Variants in TUBA1C observed in about 807,000 individuals in gnomAD.
TUBA1C encodes the protein tubulin alpha-1C chain.
Under a neutral mutation model 34.9 loss-of-function variants are expected in TUBA1C, and 16 were observed. That is an observed-to-expected ratio of 0.46 (90% confidence interval 0.31 to 0.70). The LOEUF is 0.70. TUBA1C is among the 30% of genes least tolerant of loss of function. The pLI is 0.05. For synonymous variants in TUBA1C, 177 were observed against 215.9 expected (o/e 0.82, Z 1.58); for missense variants, 329 against 587.3 (o/e 0.56, Z 4.55).
rs757008972 is a variant in TUBA1C, at chr12:49,273,002, G to T, written c.1125G>T (p.Val375=). 6.2e-7 allele frequency: 1 copy of T among 1,614,252 alleles called. No homozygotes were observed. Among genetic ancestry groups the T allele is most frequent in the South Asian group, 1.1e-5 (1 of 91,086 alleles). Reference sequence around the variant, plus strand: ...ACCTGGCCAAGGTACAGAGAGCTGTGTGCATGCTGAGCAATACCACAGCTG... The same window carrying T: ...ACCTGGCCAAGGTACAGAGAGCTGTTTGCATGCTGAGCAATACCACAGCTG... ...GGDLAKVQRA[V]CMLSNTTAVA... The change falls in exon 4 of 4, where the codon GTG becomes GTT. Residue 375 remains valine (V), a synonymous_variant. Coordinates refer to ENST00000301072, the MANE Select transcript of TUBA1C (RefSeq NM_032704.5).
At chr12:49,256,456 C>G in intron 1 of TUBA1C, 1 of 455,440 alleles carries the variant, frequency 2.2e-6, no homozygotes, top group South Asian at 1.6e-5. Flanking sequence ...GCTGAGGGAA[C>G]TGGATAAGAA....
chr12:49,236,130 C>T (rs907913007), intron 1 of TUBA1C, among the ~76,000 whole-genome samples: 2 of 152,210 alleles, frequency 1.3e-5, no homozygotes, highest in African/African-American at 4.8e-5. Flanking sequence ...TCATGAAGCC[C>T]TGCCAACATT....
intron 1 of TUBA1C, among the ~76,000 whole-genome samples, chr12:49,259,501 G>C (rs2137010001): frequency 6.6e-6 from 1 of 152,278 alleles, no homozygotes; most frequent in Non-Finnish European, 1.5e-5. Context: ...GGGATTATAG[G>C]CATGAGCCAC....
At chr12:49,267,857 C>G (rs1942935900) in intron 1 of TUBA1C, among the ~76,000 whole-genome samples, 1 of 152,138 alleles carries the variant, frequency 6.6e-6, no homozygotes, top group Admixed American at 6.5e-5. Flanking sequence ...GCTTATGAGA[C>G]CAGGTCCTTT....
intron 1 of TUBA1C, among the ~76,000 whole-genome samples, chr12:49,253,254 G>A (rs1293279683): frequency 1.3e-5 from 2 of 152,130 alleles, no homozygotes. Context: ...GGAGTAGGCA[G>A]AGTTAGATTT....
intron 1 of TUBA1C, among the ~76,000 whole-genome samples, chr12:49,239,376 C>T (rs966537439): frequency 2.0e-5 from 3 of 152,116 alleles, no homozygotes; most frequent in African/African-American, 7.2e-5. Flanking sequence ...TGGGGTGGCT[C>T]ATACCTATAA....
intron 1 of TUBA1C, among the ~76,000 whole-genome samples, chr12:49,230,999 T>C (rs1410299209): frequency 6.6e-6 from 1 of 152,190 alleles, no homozygotes; most frequent in Non-Finnish European, 1.5e-5. Flanking sequence ...GTTTCTGGTA[T>C]ACAGGAAGGT....
intron 1 of TUBA1C, among the ~76,000 whole-genome samples, chr12:49,228,441 T>A (rs934573082): frequency 2.0e-5 from 3 of 152,228 alleles, no homozygotes; most frequent in African/African-American, 4.8e-5. Flanking sequence ...TATATTTTTG[T>A]CTTATACTTT....
At chr12:49,246,644 T>C (rs529793110) in intron 1 of TUBA1C, among the ~76,000 whole-genome samples, 151 of 151,260 alleles carry the variant, frequency 1.0e-3, no homozygotes, top group African/African-American at 3.3e-3. Context: ...CACTGCACTC[T>C]AGCCTGGGCG....
intron 3 of TUBA1C, 100 bp from the exon 4 acceptor site, chr12:49,272,153 G>C (rs1449392077): frequency 2.0e-6 from 3 of 1,517,476 alleles, no homozygotes; most frequent in Non-Finnish European, 2.6e-6. Context: ...ATTGCAATTG[G>C]AGTAGCCATA....
chr12:49,249,311 C>T (rs1942708781), intron 1 of TUBA1C, among the ~76,000 whole-genome samples: 1 of 152,040 alleles, frequency 6.6e-6, no homozygotes, highest in Non-Finnish European at 1.5e-5. Flanking sequence ...CCTGTAATCC[C>T]AGGTACTCGG....
At chr12:49,250,558 C>T (rs903536315) in intron 1 of TUBA1C, among the ~76,000 whole-genome samples, 1 of 149,864 alleles carries the variant, frequency 6.7e-6, no homozygotes, top group Admixed American at 6.7e-5. Context: ...ACACAAATTA[C>T]CAGTATCTAG....
chr12:49,261,618 C>T, upstream of TUBA1C, among the ~76,000 whole-genome samples: 1 of 152,130 alleles, frequency 6.6e-6, no homozygotes, highest in African/African-American at 2.4e-5. Flanking sequence ...TTATAAATTT[C>T]TACATAAGCA....
intron 1 of TUBA1C, among the ~76,000 whole-genome samples, chr12:49,250,621 T>A (rs999221791): frequency 4.7e-5 from 7 of 150,292 alleles, no homozygotes; most frequent in African/African-American, 1.7e-4. Context: ...ATTATAAAAG[T>A]ATATTATGGG....
intron 1 of TUBA1C, chr12:49,234,125 G>A (rs911146410): frequency 2.0e-4 from 31 of 152,372 alleles, no homozygotes; most frequent in African/African-American, 7.2e-4. Flanking sequence ...CCTAGAAATG[G>A]CACTGCAACG....
intron 1 of TUBA1C, among the ~76,000 whole-genome samples, chr12:49,228,783 G>A (rs1014686321): frequency 6.6e-6 from 1 of 152,182 alleles, no homozygotes; most frequent in Non-Finnish European, 1.5e-5. Flanking sequence ...AACACAATCT[G>A]CAATTTACAA....
At chr12:49,259,047 C>T (rs936099653) in intron 1 of TUBA1C, among the ~76,000 whole-genome samples, 5 of 152,074 alleles carry the variant, frequency 3.3e-5, no homozygotes, top group African/African-American at 1.2e-4. Flanking sequence ...GTGTGAGCCA[C>T]CGCACCCGGC....
At position 49,273,496 on chromosome 12, in the gene TUBA1C, T is replaced by A; in HGVS notation, c.*269T>A. ...CCTCGAGCTCCTGGACTCATGTGATTCTCCTGCTTCAGCCTCCTAAGTAGC... is the reference window on the plus strand; with the variant it reads ...CCTCGAGCTCCTGGACTCATGTGATACTCCTGCTTCAGCCTCCTAAGTAGC... On this transcript the variant is annotated 3_prime_UTR_variant, in exon 4 of 4. Transcript: ENST00000301072. The A allele has an allele frequency of 2.0e-6, 1 of 500,416 alleles. No individual in the cohort carries two copies. The highest frequency in any genetic ancestry group is 3.6e-6 in the Non-Finnish European group (1 of 280,694). The allele number at this position is 500,416 out of a possible 1,614,324, so 31.0% of individuals were successfully genotyped here. A position where few individuals can be genotyped will look rare whatever the true frequency, so the allele number is the denominator to read the frequency against.
chr12:49,244,265 A>G (rs1389956580), intron 1 of TUBA1C, among the ~76,000 whole-genome samples: 1 of 152,168 alleles, frequency 6.6e-6, no homozygotes, highest in African/African-American at 2.4e-5. Context: ...CACTCACCAC[A>G]GTATTTTCAT....
Sources: allele counts gnomAD v4.1 joint callset (sites outside exome capture counted in the v4.1 genomes callset), GRCh38; gene constraint gnomAD v4.1.1; transcripts MANE v1.5; gene names NCBI Gene and HGNC (gene_info 2026-07-23, HGNC 2026-07-21).